Variants in TNKS2 observed in about 807,000 individuals in gnomAD.
TNKS2 encodes the protein tankyrase 2.
Under a neutral mutation model 137.6 loss-of-function variants are expected in TNKS2, and 72 were observed. That is an observed-to-expected ratio of 0.52 (90% CI 0.43 to 0.64). TNKS2 has a LOEUF of 0.64. TNKS2 is among the 30% of genes least tolerant of loss of function. The pLI, the probability that TNKS2 is intolerant of heterozygous loss-of-function variation, is 0.00. For synonymous variants in TNKS2, 516 were observed against 512.1 expected (o/e 1.01, Z -0.10); for missense variants, 1,049 against 1,410.2 (o/e 0.74, Z 4.10).
intron 1 of TNKS2, chr10:91,807,475 C>T (rs550944973): frequency 6.3e-7 from 1 of 1,583,846 alleles, no homozygotes; most frequent in Admixed American, 1.7e-5. Context: ...AGAAGCAAGG[C>T]CTCAGAACCC....
chr10:91,842,446 C>A (rs1204119979), intron 16 of TNKS2, 55 bp downstream of exon 16: 1 of 1,524,934 alleles, frequency 6.6e-7, no homozygotes, highest in East Asian at 2.3e-5. Flanking sequence ...ATTCATTTTA[C>A]CCAGGTAAAA....
intron 11 of TNKS2, among the ~76,000 whole-genome samples, chr10:91,831,585 A>G (rs536145020): frequency 3.9e-5 from 6 of 152,162 alleles, no homozygotes; most frequent in Non-Finnish European, 7.4e-5. Flanking sequence ...TTCTGTAACT[A>G]AGCCAAAGGA....
chr10:91,827,390 GT>G (rs1360059495), intron 8 of TNKS2, among the ~76,000 whole-genome samples, 187 bp downstream of exon 8: 1 of 152,138 alleles, frequency 6.6e-6, no homozygotes, highest in African/African-American at 2.4e-5. Flanking sequence ...AAGAAAATAT[GT>G]TTGTATTAAT....
intron 22 of TNKS2, among the ~76,000 whole-genome samples, 190 bp downstream of exon 22, chr10:91,855,316 CAT>C (rs754375592): frequency 2.6e-5 from 4 of 151,904 alleles, no homozygotes; most frequent in Non-Finnish European, 5.9e-5. Flanking sequence ...TTATAAGACT[CAT>C]ATTCTTTGTT....
chr10:91,816,134 G>C (rs1844688066), intron 2 of TNKS2, among the ~76,000 whole-genome samples: 1 of 151,826 alleles, frequency 6.6e-6, no homozygotes, highest in African/African-American at 2.4e-5. Flanking sequence ...ATTTTTAGTA[G>C]AGAGGGGGTT....
Position 91,836,929 on chromosome 10 carries a change from A to G in TNKS2, c.1458A>G (p.Ser486=), listed in dbSNP as rs773236631. The change falls in exon 13 of 27, where the codon TCA becomes TCG. Residue 486 remains serine, a synonymous_variant. Transcript: ENST00000371627. ...NVQQLLQEGI[S]LGNSEADRQL... ...CTCTCTCTTTTTTAGAGGGTATCTC[A>G]TTAGGTAATTCAGAGGCAGACAGAC... 20 of 1,613,056 alleles carry G rather than the reference A, an allele frequency of 1.2e-5. No individual in the cohort carries two copies. In the East Asian group the frequency reaches 4.0e-4, roughly 32 times the overall value.
intron 18 of TNKS2, among the ~76,000 whole-genome samples, chr10:91,847,564 C>T (rs1301893360): frequency 3.0e-5 from 3 of 99,494 alleles, no homozygotes; most frequent in Non-Finnish European, 6.0e-5. Flanking sequence ...AATGGGGTTT[C>T]ACCATGTTGG....
chr10:91,812,282 T>G (rs954717903), intron 1 of TNKS2, among the ~76,000 whole-genome samples: 7 of 152,298 alleles, frequency 4.6e-5, no homozygotes, highest in African/African-American at 1.7e-4. Flanking sequence ...ATAAATAAAT[T>G]ACCAGACTTT....
intron 12 of TNKS2, chr10:91,836,670 C>G (rs1015208762): frequency 1.6e-5 from 16 of 985,218 alleles, no homozygotes; most frequent in African/African-American, 3.5e-5. Flanking sequence ...CTTTATATTG[C>G]TTACATCACA....
intron 20 of TNKS2, 144 bp downstream of exon 20, chr10:91,849,738 G>T: frequency 3.2e-6 from 2 of 623,776 alleles, no homozygotes; most frequent in Non-Finnish European, 5.3e-6. Flanking sequence ...CTTCTAATTT[G>T]GCTTGACCTT....
chr10:91,841,041 C>G (rs1400928140), intron 14 of TNKS2, among the ~76,000 whole-genome samples: 1 of 151,952 alleles, frequency 6.6e-6, no homozygotes, highest in East Asian at 1.9e-4. Context: ...TAAAAATATA[C>G]AATTCTAGAC....
At chr10:91,860,480 C>T (rs1473141622) in intron 25 of TNKS2, among the ~76,000 whole-genome samples, 1 of 152,108 alleles carries the variant, frequency 6.6e-6, no homozygotes, top group African/African-American at 2.4e-5. Context: ...ACCAAGTTCC[C>T]AGATGTGACA....
Position 91,865,251 on chromosome 10 carries a change from A to G in TNKS2, c.*2252A>G, listed in dbSNP as rs1191454705. On this transcript the variant is annotated 3_prime_UTR_variant, in exon 27 of 27. Coordinates refer to ENST00000371627, the MANE Select transcript of TNKS2 (RefSeq NM_025235.4). ...GTATCACATTCCATACCCTCATTTA[A>G]TTCTTAATAAAACTGTTCACTTGTT... 1 of 152,456 alleles carries G rather than the reference A, an allele frequency of 6.6e-6. No homozygotes were observed. Among genetic ancestry groups the G allele is most frequent in the Non-Finnish European group, 1.5e-5 (1 of 68,000 alleles). 9.4% of individuals were successfully genotyped at this position (152,456 alleles called of 1,614,324 possible).
At chr10:91,860,862 G>A (rs1842834911) in intron 25 of TNKS2, among the ~76,000 whole-genome samples, 1 of 152,114 alleles carries the variant, frequency 6.6e-6, no homozygotes, top group Non-Finnish European at 1.5e-5. Flanking sequence ...TGGTTAGGAG[G>A]CATGTAATTT....
Position 91,865,119 on chromosome 10 carries a change from G to GAAA in TNKS2, c.*2121_*2122insAAA, listed in dbSNP as rs1842942951. ...TGCATGAAATAGCTTACTTTATAAT[G>GAAA]ATGGAATTGCTTTTTCTTTTGTCTT... On this transcript the variant is annotated 3_prime_UTR_variant, in exon 27 of 27. Coordinates refer to ENST00000371627, the MANE Select transcript of TNKS2 (RefSeq NM_025235.4). The GAAA allele has an allele frequency of 6.6e-6, 1 of 151,486 alleles. No individual in the cohort carries two copies. The highest frequency in any genetic ancestry group is 1.5e-5 in the Non-Finnish European group (1 of 67,834). 9.4% of individuals were successfully genotyped at this position (151,486 alleles called of 1,614,324 possible).
chr10:91,837,712 T>C (rs1842072695), intron 13 of TNKS2, among the ~76,000 whole-genome samples: 1 of 152,148 alleles, frequency 6.6e-6, no homozygotes, highest in Non-Finnish European at 1.5e-5. Context: ...ACACAAAAAT[T>C]AGCTGGGCGT....
At position 91,836,963 on chromosome 10, in the gene TNKS2, G is replaced by T; in HGVS notation, c.1492G>T (p.Glu498Ter). 6.2e-7 allele frequency: 1 copy of T among 1,613,504 alleles called. No homozygotes were observed. The highest frequency in any genetic ancestry group is 1.7e-5 in the Admixed American group (1 of 59,972). Residue 498 changes from glutamate to a stop codon, truncating the protein, a stop_gained, in exon 13 of 27, where the codon GAA becomes TAA. Transcript: ENST00000371627. LOFTEE classifies it high-confidence loss of function. ...TTCAGAGGCAGACAGACAATTGCTG[G>T]AAGCTGCAAAGGCTGGAGATGTCGA... Reference protein sequence around the residue: ...GNSEADRQLLEAAKAGDVETV... With the variant: ...GNSEADRQLL
intron 24 of TNKS2, among the ~76,000 whole-genome samples, 167 bp downstream of exon 24, chr10:91,857,697 G>A (rs1386296477): frequency 6.6e-6 from 1 of 152,090 alleles, no homozygotes; most frequent in African/African-American, 2.4e-5. Flanking sequence ...TTTTGAATTT[G>A]TGTATTTTAT....
At chr10:91,808,491 A>G (rs1293261997) in intron 1 of TNKS2, among the ~76,000 whole-genome samples, 1 of 152,122 alleles carries the variant, frequency 6.6e-6, no homozygotes, top group Non-Finnish European at 1.5e-5. Flanking sequence ...ATTATTTTAA[A>G]CAGGGCTGTG....
Sources: allele counts gnomAD v4.1 joint callset (sites outside exome capture counted in the v4.1 genomes callset), GRCh38; gene constraint gnomAD v4.1.1; transcripts MANE v1.5; gene names NCBI Gene and HGNC (gene_info 2026-07-23, HGNC 2026-07-21).